Variants in EPB41L3 observed in about 807,000 individuals in gnomAD.
The protein encoded by EPB41L3 is band 4.1-like protein 3.
Under a neutral mutation model 127.1 loss-of-function variants are expected in EPB41L3, and 57 were observed. The ratio of observed to expected loss-of-function variants is 0.45; its 90% CI spans 0.36 to 0.56. The LOEUF is 0.56. Among genes scored for constraint, EPB41L3 ranks in the 20% least tolerant of loss-of-function variants. The pLI, the probability that EPB41L3 is intolerant of heterozygous loss-of-function variation, is 0.00. For missense variants in EPB41L3, 1,273 were observed against 1,372.2 expected, an observed-to-expected ratio of 0.93 and a Z score of 1.14; for synonymous variants, 572 against 549.5, an observed-to-expected ratio of 1.04 and a Z score of -0.57.
intron 9 of EPB41L3, among the ~76,000 whole-genome samples, chr18:5,427,332 T>C (rs1457276036): frequency 6.6e-6 from 1 of 152,144 alleles, no homozygotes; most frequent in African/African-American, 2.4e-5. Flanking sequence ...ACCATACCAA[T>C]TAGAAATTTG....
chr18:5,528,364 T>TG (rs968136145), intron 1 of EPB41L3, among the ~76,000 whole-genome samples: 1 of 151,714 alleles, frequency 6.6e-6, no homozygotes, highest in Non-Finnish European at 1.5e-5. Context: ...TTTGTAGAGG[T>TG]GGGGTCTCAC....
chr18:5,530,916 G>A (rs941120718), intron 1 of EPB41L3, among the ~76,000 whole-genome samples: 1 of 152,190 alleles, frequency 6.6e-6, no homozygotes, highest in Non-Finnish European at 1.5e-5. Flanking sequence ...CTGGGTGCCT[G>A]GGTAGTGCTG....
chr18:5,606,280 T>C (rs1568637501), intron 3 of EPB41L3, among the ~76,000 whole-genome samples: 2 of 152,188 alleles, frequency 1.3e-5, no homozygotes, highest in Non-Finnish European at 2.9e-5. Flanking sequence ...AGGTGGGTTA[T>C]ATCGATAACA....
At chr18:5,571,532 C>T (rs1362490908) in intron 3 of EPB41L3, among the ~76,000 whole-genome samples, 1 of 152,154 alleles carries the variant, frequency 6.6e-6, no homozygotes, top group African/African-American at 2.4e-5. Flanking sequence ...CATTTCTAGG[C>T]AGTGGGTTGG....
chr18:5,605,982 G>T (rs897916004), intron 3 of EPB41L3, among the ~76,000 whole-genome samples: 1 of 152,122 alleles, frequency 6.6e-6, no homozygotes. Context: ...TTCCAGGGAC[G>T]CTAATGGCAC....
intron 1 of EPB41L3, among the ~76,000 whole-genome samples, chr18:5,542,057 C>T (rs948262497): frequency 6.6e-6 from 1 of 152,214 alleles, no homozygotes; most frequent in Non-Finnish European, 1.5e-5. Flanking sequence ...ATTGAAGTCA[C>T]GCTTCTCCAA....
intron 1 of EPB41L3, among the ~76,000 whole-genome samples, chr18:5,510,792 T>A (rs1206900203): frequency 2.0e-5 from 3 of 152,178 alleles, no homozygotes; most frequent in African/African-American, 7.2e-5. Context: ...CAATGAATAA[T>A]CTAGTTGTTT....
At chr18:5,430,838 G>T (rs769123957) in intron 8 of EPB41L3, among the ~76,000 whole-genome samples, 1 of 151,780 alleles carries the variant, frequency 6.6e-6, no homozygotes, top group Non-Finnish European at 1.5e-5. Context: ...TTACAGGTGT[G>T]AGCCACCTTG....
At chr18:5,494,562 C>A (rs1220768688) in intron 1 of EPB41L3, among the ~76,000 whole-genome samples, 1 of 151,936 alleles carries the variant, frequency 6.6e-6, no homozygotes, top group Non-Finnish European at 1.5e-5. Flanking sequence ...GAGGCTGAGG[C>A]AGGAGAATCG....
chr18:5,630,399 T>G (rs1200245402), upstream of EPB41L3: 1 of 518,654 alleles, frequency 1.9e-6, no homozygotes, highest in African/African-American at 1.9e-5. Context: ...AGCCTTCCTT[T>G]GGGGCCCCTC....
chr18:5,437,021 T>G (rs1484640690), intron 6 of EPB41L3, among the ~76,000 whole-genome samples: 1 of 152,212 alleles, frequency 6.6e-6, no homozygotes, highest in Non-Finnish European at 1.5e-5. Flanking sequence ...AAAATTGCTT[T>G]GACTGGTCAT....
chr18:5,543,986 C>A lies in EPB41L3; in HGVS notation c.-85G>T. The A allele has an allele frequency of 2.0e-6, 2 of 985,614 alleles. No homozygotes were observed. The highest frequency in any genetic ancestry group is 2.4e-6 in the Non-Finnish European group (2 of 830,082). 61.1% of individuals were successfully genotyped at this position (985,614 alleles called of 1,614,324 possible). ...CGGGCGCGCGTCCTCGGCGGCGGTG[C>A]GCAGGAGACTCGGGCGTGGGGAGGA... is the stretch of plus-strand genomic sequence containing the variant. On this transcript the variant is annotated 5_prime_UTR_variant, in exon 1 of 23. Transcript: ENST00000341928. This position sits in a 1 kb window ranked among gnomAD's most constrained non-coding sequence, Gnocchi z 5.2.
rs1457387136 is a variant in EPB41L3, at chr18:5,406,686, C to T, written c.2349+91G>A. The T allele has an allele frequency of 9.6e-5, 115 of 1,194,416 alleles. No individual in the cohort carries two copies. The East Asian group carries it at 2.6e-3, about 27-fold the overall frequency. The allele number at this position is 1,194,416 out of a possible 1,614,324, so 74.0% of individuals were successfully genotyped here. ...CATAGGTAGGAAGAGAGATTTTCTA[C>T]CCAGAAGACTGTCAAATGCAATTCC... On this transcript the variant is annotated intron_variant, in intron 16 of 22. Coordinates refer to ENST00000341928, the MANE Select transcript of EPB41L3 (RefSeq NM_012307.5).
At chr18:5,595,732 C>T (rs983190845) in intron 3 of EPB41L3, among the ~76,000 whole-genome samples, 1 of 152,142 alleles carries the variant, frequency 6.6e-6, no homozygotes, top group Non-Finnish European at 1.5e-5. Flanking sequence ...AGTAAATTTA[C>T]TGACCGATTC....
At chr18:5,595,616 C>T (rs573281819) in intron 3 of EPB41L3, among the ~76,000 whole-genome samples, 1 of 152,318 alleles carries the variant, frequency 6.6e-6, no homozygotes, top group South Asian at 2.1e-4. Context: ...TGTGTGAAAG[C>T]TCAGAGAGTA....
chr18:5,407,329 T>A (rs1330621002), intron 15 of EPB41L3: 12 of 391,798 alleles, frequency 3.1e-5, no homozygotes, highest in Non-Finnish European at 5.5e-5. Flanking sequence ...CATCCCCACT[T>A]ATTAATGGAT....
chr18:5,467,146 AG>A (rs1468236548), intron 3 of EPB41L3, among the ~76,000 whole-genome samples: 1 of 152,222 alleles, frequency 6.6e-6, no homozygotes, highest in African/African-American at 2.4e-5. Context: ...TTCTATATGA[AG>A]GCAAAGAGCT....
chr18:5,513,013 A>G (rs557441842), intron 1 of EPB41L3, among the ~76,000 whole-genome samples: 32 of 152,300 alleles, frequency 2.1e-4, no homozygotes, highest in Admixed American at 1.0e-3. Flanking sequence ...AGCATGCATG[A>G]GGGTGCTTGG....
chr18:5,541,084 CAA>C (rs147766745), intron 1 of EPB41L3, among the ~76,000 whole-genome samples: 2 of 76,314 alleles, frequency 2.6e-5, no homozygotes, highest in Admixed American at 1.7e-4. Flanking sequence ...GACTCCGTCT[CAA>C]AAAAAAAAAA....
Sources: allele counts gnomAD v4.1 joint callset (sites outside exome capture counted in the v4.1 genomes callset), GRCh38; gene constraint gnomAD v4.1.1; non-coding constraint Gnocchi (gnomAD v3.1); transcripts MANE v1.5; gene names NCBI Gene and HGNC (gene_info 2026-07-23, HGNC 2026-07-21).